LRRIQ4: variants seen among roughly 807,000 people sequenced by gnomAD.
The protein encoded by LRRIQ4 is leucine-rich repeat and IQ domain-containing protein 4.
Under a neutral mutation model 40.1 loss-of-function variants are expected in LRRIQ4, and 21 were observed. That is an observed-to-expected ratio of 0.52 (90% CI 0.37 to 0.75). The LOEUF (loss-of-function observed/expected upper bound fraction) is 0.75. LRRIQ4 is among the 30% of genes least tolerant of loss of function. The pLI is 0.00. For synonymous variants in LRRIQ4, 277 were observed against 277.1 expected, an observed-to-expected ratio of 1.00 and a Z score of 0.00; for missense variants, 655 against 660.0, an observed-to-expected ratio of 0.99 and a Z score of 0.08.
intron 2 of LRRIQ4, 72 bp downstream of exon 2, chr3:169,823,013 C>T (rs1385259468): frequency 7.6e-7 from 1 of 1,308,306 alleles, no homozygotes; most frequent in Non-Finnish European, 1.0e-6. Flanking sequence ...GGTTCTGTAT[C>T]TAAACAGCAA....
chr3:169,831,440 ATTTTTTTTTTTTTTTTTTTTTT>A (rs750864248), intron 4 of LRRIQ4, among the ~76,000 whole-genome samples: 26 of 29,430 alleles, frequency 8.8e-4, no homozygotes, highest in African/African-American at 2.6e-3. Context: ...CGCCCGGCTA[ATTTTTTTTTTTTTTTTTTTTTT>A]TTTTTTTTTT....
chr3:169,835,019 TATTAGA>T (rs564239237), intron 5 of LRRIQ4, among the ~76,000 whole-genome samples: 1 of 152,268 alleles, frequency 6.6e-6, no homozygotes, highest in South Asian at 2.1e-4. Context: ...TATTGATGAT[TATTAGA>T]ATAACACAGG....
At chr3:169,833,249 G>C in intron 5 of LRRIQ4, 66 bp downstream of exon 5, 1 of 1,377,610 alleles carries the variant, frequency 7.3e-7, no homozygotes. Flanking sequence ...ACACAGTACA[G>C]ATTATCCTAC....
At chr3:169,824,035 C>T (rs1160772668) in intron 2 of LRRIQ4, among the ~76,000 whole-genome samples, 1 of 151,984 alleles carries the variant, frequency 6.6e-6, no homozygotes, top group Non-Finnish European at 1.5e-5. Flanking sequence ...CCTTATGATA[C>T]CATTTATAAA....
At chr3:169,834,508 T>C (rs1314299503) in intron 5 of LRRIQ4, among the ~76,000 whole-genome samples, 1 of 152,254 alleles carries the variant, frequency 6.6e-6, no homozygotes, top group Non-Finnish European at 1.5e-5. Context: ...TTTAACATTG[T>C]TGGCCACAAG....
At chr3:169,815,516 T>A (rs548188129) in intron 1 of LRRIQ4, among the ~76,000 whole-genome samples, 2 of 152,326 alleles carry the variant, frequency 1.3e-5, no homozygotes, top group South Asian at 4.1e-4. Context: ...AATTTGTTTA[T>A]CCATTCTAAT....
At chr3:169,825,658 T>G (rs1188389089) in intron 2 of LRRIQ4, among the ~76,000 whole-genome samples, 1 of 152,220 alleles carries the variant, frequency 6.6e-6, no homozygotes, top group Non-Finnish European at 1.5e-5. Flanking sequence ...CTGAGAGAAA[T>G]TTTAAGAAAT....
chr3:169,831,335 G>A lies in LRRIQ4; in HGVS notation c.1333+705G>A, dbSNP rs547300903. Among the ~76,000 whole-genome samples, 8 of 127,440 alleles carry A rather than the reference G, an allele frequency of 6.3e-5. No homozygotes were observed. In the East Asian group the frequency reaches 1.1e-3, roughly 18 times the overall value. 83.6% of individuals were successfully genotyped at this position (127,440 alleles called of 152,430 possible). A position where few individuals can be genotyped will look rare whatever the true frequency, so the allele number is the denominator to read the frequency against. On this transcript the variant is annotated intron_variant, in intron 4 of 5. Transcript: ENST00000340806. ...GTCGCTCAGGCTGGAGTGCAGTGGC[G>A]TGATCTCGGCTCCCTGCAAACTCTG...
intron 5 of LRRIQ4, among the ~76,000 whole-genome samples, chr3:169,835,645 A>G (rs569389656): frequency 4.3e-4 from 65 of 152,216 alleles, no homozygotes; most frequent in African/African-American, 1.4e-3. Context: ...ACAATTGAAG[A>G]CTGCTTAACC....
intron 4 of LRRIQ4, among the ~76,000 whole-genome samples, chr3:169,831,440 ATTTTTTTTTTTTTTT>A (rs750864248): frequency 3.4e-4 from 10 of 29,428 alleles, no homozygotes; most frequent in African/African-American, 5.1e-4. Flanking sequence ...CGCCCGGCTA[ATTTTTTTTTTTTTTT>A]TTTTTTTTTT....
chr3:169,827,829 T>C (rs1257340987), intron 2 of LRRIQ4, among the ~76,000 whole-genome samples: 1 of 152,146 alleles, frequency 6.6e-6, no homozygotes, highest in African/African-American at 2.4e-5. Flanking sequence ...GCAAGCACTG[T>C]ATTAGAAGGT....
intron 2 of LRRIQ4, among the ~76,000 whole-genome samples, chr3:169,826,213 G>A (rs1780037067): frequency 6.6e-6 from 1 of 151,964 alleles, no homozygotes; most frequent in Non-Finnish European, 1.5e-5. Context: ...CCAACGTGGC[G>A]AAACCCCATC....
At chr3:169,817,762 T>A (rs1205927619) in intron 1 of LRRIQ4, among the ~76,000 whole-genome samples, 1 of 152,248 alleles carries the variant, frequency 6.6e-6, no homozygotes, top group Admixed American at 6.5e-5. Flanking sequence ...TGCTCTTTTT[T>A]GTTTTCCATT....
At position 169,822,606 on chromosome 3, in the gene LRRIQ4, T is replaced by C; in HGVS notation, c.685T>C (p.Ser229Pro). The change falls in exon 2 of 6, where the codon TCC (serine) becomes CCC (proline). Residue 229 changes from serine to proline, a missense_variant. By Grantham distance (74) the Ser-to-Pro change is moderately conservative. Coordinates refer to ENST00000340806, the MANE Select transcript of LRRIQ4 (RefSeq NM_001080460.3). Reference sequence around the variant, plus strand: ...TAACAACCTTCCCGTTCTGCCCGCGTCCTTGTGCCAGTGTAGCCAACTGTC... The same window carrying C: ...TAACAACCTTCCCGTTCTGCCCGCGCCCTTGTGCCAGTGTAGCCAACTGTC... ...ASNNLPVLPA[S>P]LCQCSQLSVL... is the part of the protein sequence containing the mutation. 1.9e-6 allele frequency: 3 copies of C among 1,613,972 alleles called. No homozygotes were observed. The African/African-American group carries it at 4.0e-5, about 22-fold the overall frequency.
chr3:169,830,828 G>A (rs1650125387), intron 4 of LRRIQ4, among the ~76,000 whole-genome samples, 198 bp downstream of exon 4: 1 of 152,190 alleles, frequency 6.6e-6, no homozygotes, highest in Admixed American at 6.5e-5. Flanking sequence ...GTCTTGCAAA[G>A]GCAGTTAAGT....
rs1196622545 is a variant in LRRIQ4, at chr3:169,830,557, G to T, written c.1260G>T (p.Met420Ile). 2 of 1,613,484 alleles carry T rather than the reference G, an allele frequency of 1.2e-6. No individual in the cohort carries two copies. Among genetic ancestry groups the T allele is most frequent in the Admixed American group, 3.3e-5 (2 of 59,938 alleles). Residue 420 changes from methionine to isoleucine, a missense_variant, in exon 4 of 6, where the codon ATG becomes ATT. Transcript: ENST00000340806. Reference protein sequence around the residue: ...LEYLPVSLGSMPNLEVLDCRH... With the variant: ...LEYLPVSLGSIPNLEVLDCRH... The stretch of plus-strand genomic sequence containing the variant: ...ACCTGCCCGTATCCTTGGGGTCAAT[G>T]CCTAACCTAGAAGTTCTTGATTGCC...
intron 1 of LRRIQ4, among the ~76,000 whole-genome samples, chr3:169,814,853 A>G (rs1779732009): frequency 6.6e-6 from 1 of 152,122 alleles, no homozygotes; most frequent in Non-Finnish European, 1.5e-5. Flanking sequence ...TCTTCTGCAT[A>G]TGGATATCCA....
At chr3:169,814,741 G>A (rs1167024107) in intron 1 of LRRIQ4, among the ~76,000 whole-genome samples, 1 of 152,046 alleles carries the variant, frequency 6.6e-6, no homozygotes, top group Admixed American at 6.5e-5. Context: ...TGCCTCTGCC[G>A]CCCAAAGTGC....
chr3:169,833,408 C>T (rs1186850274), intron 5 of LRRIQ4, among the ~76,000 whole-genome samples: 1 of 152,050 alleles, frequency 6.6e-6, no homozygotes, highest in Non-Finnish European at 1.5e-5. Flanking sequence ...CAATAAGAAG[C>T]CAACAAATAG....
Sources: gnomAD v4.1 joint callset for allele counts (sites outside exome capture counted in the v4.1 genomes callset) on GRCh38, gnomAD v4.1.1 for gene constraint, MANE v1.5 for transcripts, NCBI Gene and HGNC (gene_info 2026-07-23, HGNC 2026-07-21) for gene names.